The following RNF212B variants were observed in gnomAD, a reference collection of about 807,000 sequenced individuals.
RNF212B encodes the protein E3 ubiquitin-protein ligase RNF212B.
In RNF212B, 52 loss-of-function variants were observed where a neutral mutation model predicts 55.5. The ratio of observed to expected loss-of-function variants is 0.94; its 90% CI spans 0.75 to 1.18. RNF212B has a LOEUF of 1.18. Ranked by LOEUF, RNF212B falls within the 50% of genes most tolerant of loss-of-function variation. RNF212B has a pLI of 0.00. For missense variants in RNF212B, 289 were observed against 350.4 expected, an observed-to-expected ratio of 0.82 and a Z score of 1.40; for synonymous variants, 99 against 121.4, an observed-to-expected ratio of 0.82 and a Z score of 1.21.
At chr14:23,241,926 CA>C (rs1459868843) in intron 2 of RNF212B, among the ~76,000 whole-genome samples, 2 of 150,582 alleles carry the variant, frequency 1.3e-5, no homozygotes, top group Non-Finnish European at 3.0e-5. Context: ...ACTAAAACTA[CA>C]AAAAATTAGC....
At chr14:23,257,522 T>G (rs1884935442) in intron 4 of RNF212B, among the ~76,000 whole-genome samples, 1 of 152,134 alleles carries the variant, frequency 6.6e-6, no homozygotes, top group African/African-American at 2.4e-5. Flanking sequence ...AACAAAAAGT[T>G]TATGAGAAGA....
chr14:23,187,540 G>A lies in RNF212B; in HGVS notation c.-79+2050G>A, dbSNP rs1877717275. 2.0e-5 allele frequency among the ~76,000 whole-genome samples: 3 copies of A among 152,182 alleles called. No individual in the cohort carries two copies. In the South Asian group the frequency reaches 6.2e-4, roughly 32 times the overall value. On this transcript the variant is annotated intron_variant, in intron 1 of 15. Transcript: ENST00000399910. ...AATATTCCCTTTCAGAGACAAGTTA[G>A]ACGTGTCTGCTAATGCAAAGGAATA... is the stretch of plus-strand genomic sequence containing the variant.
intron 2 of RNF212B, among the ~76,000 whole-genome samples, chr14:23,212,560 A>AATTTT (rs1402554925): frequency 6.6e-6 from 1 of 151,870 alleles, no homozygotes; most frequent in Non-Finnish European, 1.5e-5. Context: ...TTTATTTTTA[A>AATTTT]ATTTTATTTT....
chr14:23,192,713 G>A (rs1481886769), intron 1 of RNF212B, among the ~76,000 whole-genome samples: 1 of 152,054 alleles, frequency 6.6e-6, no homozygotes, highest in African/African-American at 2.4e-5. Context: ...TCTAATTATG[G>A]GAAGGCCAGA....
At chr14:23,248,727 A>G (rs1188194013) in intron 4 of RNF212B, among the ~76,000 whole-genome samples, 1 of 151,716 alleles carries the variant, frequency 6.6e-6, no homozygotes, top group Non-Finnish European at 1.5e-5. Flanking sequence ...GGCATGAGCC[A>G]TCACGCCCGG....
chr14:23,199,912 A>G (rs1472031910), intron 2 of RNF212B, among the ~76,000 whole-genome samples: 2 of 152,106 alleles, frequency 1.3e-5, no homozygotes, highest in Non-Finnish European at 2.9e-5. Context: ...GAAACATGGG[A>G]AAAAAAGAAG....
intron 2 of RNF212B, 134 bp downstream of exon 2, chr14:23,240,579 C>T: frequency 1.8e-6 from 1 of 541,702 alleles, no homozygotes; most frequent in South Asian, 3.0e-5. Flanking sequence ...CTGTAGGAAA[C>T]TGTCAATTTT....
intron 1 of RNF212B, among the ~76,000 whole-genome samples, chr14:23,190,178 C>A (rs1384583426): frequency 1.3e-5 from 2 of 152,102 alleles, no homozygotes; most frequent in Non-Finnish European, 2.9e-5. Flanking sequence ...CTTCTCTATC[C>A]TCCCTCTCTA....
At position 23,264,214 on chromosome 14, in the gene RNF212B, G is replaced by A; in HGVS notation, c.565G>A (p.Gly189Ser). The A allele has an allele frequency of 6.5e-7, 1 of 1,549,904 alleles. No individual in the cohort carries two copies. The highest frequency in any genetic ancestry group is 8.7e-7 in the Non-Finnish European group (1 of 1,146,400). The change falls in exon 10 of 15, where the codon GGC (glycine) becomes AGC (serine). Residue 189 changes from glycine (G) to serine (S), a missense_variant. By Grantham distance (56) the Gly-to-Ser change is moderately conservative. Coordinates refer to ENST00000430154, the MANE Select transcript of RNF212B (RefSeq NM_001282322.3). ...SAESIPYREA[G>S]FGSLGQGGRG... ...GGAATCTATTCCTTATAGAGAGGCT[G>A]GCTTTGGTAGCTTGGGACAAGTAAG...
At chr14:23,268,760 AC>A (rs1001343062) in intron 11 of RNF212B, among the ~76,000 whole-genome samples, 163 bp from the exon 12 acceptor site, 7 of 152,336 alleles carry the variant, frequency 4.6e-5, no homozygotes, top group African/African-American at 1.7e-4. Context: ...TATAAGAGAT[AC>A]TGCTATGTGA....
chr14:23,238,765 A>ATCATCATCATC (rs1566420287), intron 1 of RNF212B, among the ~76,000 whole-genome samples: 2 of 132,008 alleles, frequency 1.5e-5, no homozygotes, highest in African/African-American at 5.1e-5. Flanking sequence ...TAATAATAAT[A>ATCATCATCATC]ATAATAATAA....
At chr14:23,210,850 G>T (rs1193166009) in intron 2 of RNF212B, among the ~76,000 whole-genome samples, 1 of 150,684 alleles carries the variant, frequency 6.6e-6, no homozygotes, top group Non-Finnish European at 1.5e-5. Flanking sequence ...GGATATCCAG[G>T]AACTCTCTGT....
intron 2 of RNF212B, among the ~76,000 whole-genome samples, chr14:23,194,030 C>G (rs985646735): frequency 6.6e-6 from 1 of 152,112 alleles, no homozygotes; most frequent in Non-Finnish European, 1.5e-5. Flanking sequence ...TTAGTAGAGA[C>G]AGGGTTTCAC....
At chr14:23,188,769 C>T (rs1487680408) in intron 1 of RNF212B, among the ~76,000 whole-genome samples, 1 of 152,084 alleles carries the variant, frequency 6.6e-6, no homozygotes, top group African/African-American at 2.4e-5. Flanking sequence ...TGTGCTGGGC[C>T]TCAGGTTTTT....
intron 2 of RNF212B, among the ~76,000 whole-genome samples, chr14:23,225,901 T>G (rs1881958540): frequency 6.6e-6 from 1 of 152,218 alleles, no homozygotes. Flanking sequence ...TCTTTCATGA[T>G]GTGAATATTA....
chr14:23,238,161 T>A lies in RNF212B; in HGVS notation c.-2+106T>A, dbSNP rs561058420. Among the ~76,000 whole-genome samples the A allele has an allele frequency of 3.9e-5, 6 of 152,306 alleles. No individual in the cohort carries two copies. In the East Asian group the frequency reaches 1.2e-3, roughly 29 times the overall value. ...GCCCTCAGGGTCGCCTTAATCACCC[T>A]GTTCACTGCCTTTTTTATGTTGGGC... On this transcript the variant is annotated intron_variant, in intron 1 of 14. Transcript: ENST00000430154.
chr14:23,240,106 C>T (rs2064482), intron 1 of RNF212B, among the ~76,000 whole-genome samples: 37,633 of 149,996 alleles, frequency 0.25, 4,769 homozygotes, highest in African/African-American at 0.31. Flanking sequence ...TATATATATA[C>T]ACACACACAC....
intron 13 of RNF212B, 57 bp from the exon 14 acceptor site, chr14:23,270,543 C>A: frequency 8.0e-7 from 1 of 1,252,554 alleles, no homozygotes; most frequent in Non-Finnish European, 1.1e-6. Flanking sequence ...CCACAAGTAA[C>A]ACTGCCGAGA....
chr14:23,213,477 A>C (rs2140394511), intron 2 of RNF212B, among the ~76,000 whole-genome samples: 1 of 152,328 alleles, frequency 6.6e-6, no homozygotes, highest in East Asian at 1.9e-4. Flanking sequence ...AAATTCCACC[A>C]GGAGTCATGA....
Sources: allele counts gnomAD v4.1 joint callset (sites outside exome capture counted in the v4.1 genomes callset), GRCh38; gene constraint gnomAD v4.1.1; transcripts MANE v1.5; gene names NCBI Gene and HGNC (gene_info 2026-07-23, HGNC 2026-07-21).